Variants in HDAC9 observed in about 807,000 individuals in gnomAD.
The protein encoded by HDAC9 is MEF-2 interacting transcription repressor (MITR) protein.
A neutral mutation model predicts 139.4 loss-of-function variants in HDAC9; 41 were observed. That is an observed-to-expected ratio of 0.29 (90% CI 0.23 to 0.38). HDAC9 has a LOEUF of 0.38. Among genes scored for constraint, HDAC9 ranks in the 10% least tolerant of loss-of-function variants. The probability of loss-of-function intolerance (pLI) is 1.00; values close to 1 mark genes in which losing one functional copy is unlikely to be tolerated. For missense variants in HDAC9, 1,147 were observed against 1,297.0 expected, an observed-to-expected ratio of 0.88 and a Z score of 1.78; for synonymous variants, 517 against 476.2, an observed-to-expected ratio of 1.09 and a Z score of -1.12.
intron 25 of HDAC9, among the ~76,000 whole-genome samples, chr7:18,994,995 T>C (rs929361054): frequency 6.6e-6 from 1 of 152,218 alleles, no homozygotes; most frequent in African/African-American, 2.4e-5. Flanking sequence ...TGCATTTGTG[T>C]GGCAACATGA....
chr7:18,884,476 A>G (rs1166026081), intron 22 of HDAC9, among the ~76,000 whole-genome samples: 2 of 152,188 alleles, frequency 1.3e-5, no homozygotes, highest in Non-Finnish European at 2.9e-5. Flanking sequence ...TGGTGCTGGG[A>G]AAACTAGATA....
intron 1 of HDAC9, among the ~76,000 whole-genome samples, chr7:18,146,666 C>G (rs904342761): frequency 2.0e-5 from 3 of 152,186 alleles, no homozygotes; most frequent in African/African-American, 7.2e-5. Flanking sequence ...TTAAGTTACA[C>G]ATTATTTTCG....
Position 18,991,563 on chromosome 7 carries a change from G to T in HDAC9, c.3171-4460G>T, listed in dbSNP as rs563429248. Among the ~76,000 whole-genome samples, 16 of 152,180 alleles carry T rather than the reference G, an allele frequency of 1.1e-4. No individual in the cohort carries two copies. The South Asian group carries it at 2.9e-3, about 28-fold the overall frequency. Reference sequence around the variant, plus strand: ...GAAGCAGGAGAATGGTGTTAACTCAGGAGGCGGAGCTTGCAGTGAGCGGAG... The same window carrying T: ...GAAGCAGGAGAATGGTGTTAACTCATGAGGCGGAGCTTGCAGTGAGCGGAG... On this transcript the variant is annotated intron_variant, in intron 25 of 25. Transcript: ENST00000686413.
chr7:18,483,996 C>T (rs1410427917), intron 1 of HDAC9, among the ~76,000 whole-genome samples: 1 of 151,798 alleles, frequency 6.6e-6, no homozygotes, highest in Non-Finnish European at 1.5e-5. Flanking sequence ...ATTCATGATT[C>T]ATTTGAAAGT....
chr7:18,585,756 G>A (rs897502507), intron 3 of HDAC9, among the ~76,000 whole-genome samples: 7 of 151,934 alleles, frequency 4.6e-5, no homozygotes, highest in Non-Finnish European at 1.0e-4. Context: ...TCAATAGCAG[G>A]GAATAGTAAC....
intron 1 of HDAC9, among the ~76,000 whole-genome samples, chr7:18,423,465 A>G (rs1290445528): frequency 1.1e-4 from 16 of 152,244 alleles, no homozygotes; most frequent in Non-Finnish European, 2.4e-4. Flanking sequence ...GTGGCTTAAA[A>G]GAATAGATTT....
At chr7:18,144,634 G>A (rs776075509) in intron 1 of HDAC9, among the ~76,000 whole-genome samples, 6 of 151,928 alleles carry the variant, frequency 3.9e-5, no homozygotes, top group Non-Finnish European at 7.4e-5. Context: ...ACCCTATGAT[G>A]TTGTACTCTT....
intron 1 of HDAC9, 93 bp downstream of exon 1, chr7:18,496,116 C>A: frequency 7.2e-7 from 1 of 1,390,548 alleles, no homozygotes; most frequent in Non-Finnish European, 9.7e-7. Flanking sequence ...TCCTCTGCTG[C>A]TTCTCCTCAG....
At chr7:18,235,476 T>A (rs1793755501) in intron 2 of HDAC9, among the ~76,000 whole-genome samples, 1 of 152,180 alleles carries the variant, frequency 6.6e-6, no homozygotes, top group South Asian at 2.1e-4. Flanking sequence ...TTGGGTCCGG[T>A]TCCCCACTGC....
chr7:18,331,166 T>C lies in HDAC9; in HGVS notation c.-42+40651T>C, dbSNP rs1191304344. On this transcript the variant is annotated intron_variant, in intron 1 of 3. Coordinates refer to the HDAC9 transcript ENST00000413509. Reference sequence around the variant, plus strand: ...GATCACATGTGCAGAGCCTCTTAGCTTTTGTTTTAATTGTTCCTTCAGCAT... The same window carrying C: ...GATCACATGTGCAGAGCCTCTTAGCCTTTGTTTTAATTGTTCCTTCAGCAT... Among the ~76,000 whole-genome samples the C allele has an allele frequency of 4.0e-5, 6 of 151,532 alleles. No homozygotes were observed. In the East Asian group the frequency reaches 1.2e-3, roughly 29 times the overall value.
At chr7:18,353,494 T>C (rs978098501) in intron 1 of HDAC9, among the ~76,000 whole-genome samples, 1 of 152,174 alleles carries the variant, frequency 6.6e-6, no homozygotes, top group Non-Finnish European at 1.5e-5. Flanking sequence ...CTTCCCTCCC[T>C]CTGTGCCTCT....
chr7:18,821,489 G>C (rs566712392), intron 17 of HDAC9, among the ~76,000 whole-genome samples: 1 of 152,174 alleles, frequency 6.6e-6, no homozygotes, highest in African/African-American at 2.4e-5. Flanking sequence ...CAAAAGGCCA[G>C]TGTGGCTGCG....
chr7:18,769,124 A>G (rs1790069712), intron 16 of HDAC9, among the ~76,000 whole-genome samples: 2 of 152,130 alleles, frequency 1.3e-5, no homozygotes, highest in South Asian at 4.1e-4. Flanking sequence ...TGTATATTTA[A>G]TGTATGACTC....
intron 2 of HDAC9, among the ~76,000 whole-genome samples, chr7:18,179,093 C>G (rs1158313777): frequency 1.3e-5 from 2 of 152,034 alleles, no homozygotes; most frequent in Non-Finnish European, 2.9e-5. Flanking sequence ...TCATATTTGC[C>G]CAGGAAGCTT....
rs554145821 is a variant in HDAC9, at chr7:18,646,668, C to T, written c.1036-1117C>T. ...TGAAAATTGCTTCGCCTCCCTGGTG[C>T]ACAGCAATTTTGAAAGATGAAACAT... On this transcript the variant is annotated intron_variant, in intron 9 of 25. Transcript: ENST00000686413. Among the ~76,000 whole-genome samples the T allele has an allele frequency of 1.1e-4, 17 of 152,208 alleles. No individual in the cohort carries two copies. In the East Asian group the frequency reaches 3.3e-3, roughly 29 times the overall value.
intron 1 of HDAC9, among the ~76,000 whole-genome samples, chr7:18,354,893 G>T (rs978329623): frequency 3.9e-5 from 6 of 152,264 alleles, no homozygotes; most frequent in African/African-American, 1.4e-4. Context: ...TCTGAGACCA[G>T]TGTTTGCATT....
intron 1 of HDAC9, among the ~76,000 whole-genome samples, chr7:18,116,342 TA>T (rs1783981912): frequency 6.6e-6 from 1 of 152,196 alleles, no homozygotes; most frequent in Admixed American, 6.5e-5. Context: ...TGTTACTTGC[TA>T]AAATTTTTTG....
Position 18,527,075 on chromosome 7 carries a change from A to G in HDAC9, c.22+30751A>G, listed in dbSNP as rs187529502. On this transcript the variant is annotated intron_variant, in intron 2 of 25. Transcript: ENST00000686413. ...AAAAGAGTTCTTGAGGTTATTAAGT[A>G]GAAATTCACATGGATTTAATAATGA... 1.5e-3 allele frequency among the ~76,000 whole-genome samples: 229 copies of G among 152,274 alleles called. 1 individual carries two copies. Among genetic ancestry groups the G allele is most frequent in the Non-Finnish European group, 2.0e-3 (135 of 67,998 alleles).
chr7:18,322,777 G>C (rs187079172), intron 1 of HDAC9, among the ~76,000 whole-genome samples: 16 of 152,230 alleles, frequency 1.1e-4, no homozygotes, highest in Non-Finnish European at 1.5e-5. Flanking sequence ...CACTGTAGGA[G>C]AGAGAAAAAT....
Sources: gnomAD v4.1 joint callset for allele counts (sites outside exome capture counted in the v4.1 genomes callset) on GRCh38, gnomAD v4.1.1 for gene constraint, MANE v1.5 for transcripts, NCBI Gene and HGNC (gene_info 2026-07-23, HGNC 2026-07-21) for gene names.